The following DCC variants were observed in gnomAD, a reference collection of about 807,000 sequenced individuals.
The protein encoded by DCC is DCC netrin 1 receptor.
Under a neutral mutation model 172.5 loss-of-function variants are expected in DCC, and 58 were observed. The observed-to-expected ratio is 0.34, with a 90% CI of 0.27 to 0.42. DCC has a LOEUF of 0.42. Ranked by LOEUF, DCC falls within the 10% of genes least tolerant of loss-of-function variation. The pLI is 1.00. For synonymous variants in DCC, 709 were observed against 644.5 expected, an observed-to-expected ratio of 1.10 and a Z score of -1.52; for missense variants, 1,740 against 1,791.0, an observed-to-expected ratio of 0.97 and a Z score of 0.51.
intron 1 of DCC, among the ~76,000 whole-genome samples, chr18:52,527,893 A>G (rs1037407748): frequency 2.6e-5 from 4 of 152,210 alleles, no homozygotes; most frequent in African/African-American, 9.6e-5. Flanking sequence ...TCAGATCCCC[A>G]AAGACTTGGC....
chr18:52,837,482 G>T (rs1307038103), intron 2 of DCC, among the ~76,000 whole-genome samples: 2 of 152,082 alleles, frequency 1.3e-5, no homozygotes, highest in Non-Finnish European at 2.9e-5. Flanking sequence ...TCTAGGGCAG[G>T]GACAAAATGC....
In DCC at chr18:53,391,651, C is replaced by G. The variant is rs767170735; in HGVS notation, c.2456-4C>G. ...TGTTTCATTTGGTGGGTTTTTAAAC[C>G]CAGATCCCACTGACCCAGTTGATTA... is the stretch of plus-strand genomic sequence containing the variant. On this transcript the variant is annotated splice_polypyrimidine_tract_variant and splice_region_variant and intron_variant, in intron 16 of 28. Coordinates refer to ENST00000442544, the MANE Select transcript of DCC (RefSeq NM_005215.4). The G allele has an allele frequency of 1.2e-6, 2 of 1,605,042 alleles. No individual in the cohort carries two copies. The highest frequency in any genetic ancestry group is 2.2e-5 in the South Asian group (2 of 90,888).
At chr18:52,616,459 T>TAG (rs949652355) in intron 1 of DCC, among the ~76,000 whole-genome samples, 2 of 152,164 alleles carry the variant, frequency 1.3e-5, no homozygotes, top group Admixed American at 6.5e-5. Flanking sequence ...GGAAATATGG[T>TAG]AGAGTATGTT....
chr18:52,768,259 A>G (rs1286777473), intron 2 of DCC, among the ~76,000 whole-genome samples: 1 of 152,190 alleles, frequency 6.6e-6, no homozygotes, highest in Non-Finnish European at 1.5e-5. Context: ...TGTGTTTCAT[A>G]TGTTTTAAAA....
chr18:53,163,775 T>G (rs1337140940), intron 8 of DCC, among the ~76,000 whole-genome samples: 1 of 152,146 alleles, frequency 6.6e-6, no homozygotes, highest in East Asian at 1.9e-4. Context: ...CTAAAAATCA[T>G]TAGGAATGAA....
At chr18:52,803,757 C>G (rs1414468894) in intron 2 of DCC, among the ~76,000 whole-genome samples, 1 of 152,142 alleles carries the variant, frequency 6.6e-6, no homozygotes, top group African/African-American at 2.4e-5. Context: ...TATAATTTGC[C>G]TTAGAGAAAC....
intron 12 of DCC, among the ~76,000 whole-genome samples, chr18:53,228,128 A>C (rs981628924): frequency 2.0e-5 from 3 of 152,220 alleles, no homozygotes; most frequent in South Asian, 2.1e-4. Flanking sequence ...CAATATTTCC[A>C]AGTTGGGTTT....
intron 1 of DCC, among the ~76,000 whole-genome samples, chr18:52,549,049 T>G (rs62083379): frequency 0.058 from 8,772 of 152,084 alleles, 326 homozygotes; most frequent in Middle Eastern, 0.11. Flanking sequence ...TTAGAGGAGA[T>G]TAAGATATTA....
At chr18:53,301,042 C>A (rs28595777) in intron 12 of DCC, among the ~76,000 whole-genome samples, 19,546 of 90,932 alleles carry the variant, frequency 0.21, 1,986 homozygotes, top group African/African-American at 0.33. Context: ...CTTTTTCTTC[C>A]TTTCCTTTCC....
intron 1 of DCC, among the ~76,000 whole-genome samples, chr18:52,355,182 G>C (rs1424489205): frequency 6.6e-6 from 1 of 151,324 alleles, no homozygotes; most frequent in Admixed American, 6.6e-5. Flanking sequence ...GAAATCAGTG[G>C]AAGTCAAGAC....
At chr18:53,408,386 T>C (rs1399608781) in intron 19 of DCC, among the ~76,000 whole-genome samples, 2 of 152,180 alleles carry the variant, frequency 1.3e-5, no homozygotes, top group African/African-American at 2.4e-5. Flanking sequence ...TTTAAGCTTA[T>C]GTAATTGTTG....
intron 2 of DCC, among the ~76,000 whole-genome samples, chr18:52,894,892 A>G (rs1178648855): frequency 6.6e-6 from 1 of 152,210 alleles, no homozygotes; most frequent in Non-Finnish European, 1.5e-5. Flanking sequence ...AATTTTATCT[A>G]GAAACACCCT....
At chr18:52,821,493 T>C (rs1050825429) in intron 2 of DCC, among the ~76,000 whole-genome samples, 59 of 152,338 alleles carry the variant, frequency 3.9e-4, no homozygotes, top group Non-Finnish European at 8.8e-5. Context: ...AAGAGTGTTT[T>C]ATTGTGTTGA....
chr18:53,436,251 G>A (rs181178880), intron 22 of DCC, among the ~76,000 whole-genome samples: 14 of 152,116 alleles, frequency 9.2e-5, no homozygotes, highest in Admixed American at 3.3e-4. Flanking sequence ...CTTTTTTAAC[G>A]TAGTTTTGAA....
intron 1 of DCC, among the ~76,000 whole-genome samples, chr18:52,500,792 TAAC>T (rs1028740192): frequency 2.6e-5 from 4 of 152,168 alleles, no homozygotes; most frequent in Non-Finnish European, 4.4e-5. Flanking sequence ...GGAGAGAGGA[TAAC>T]AACATTTCTG....
chr18:53,020,447 T>A (rs1196877681), intron 5 of DCC, among the ~76,000 whole-genome samples: 2 of 152,176 alleles, frequency 1.3e-5, no homozygotes, highest in Admixed American at 1.3e-4. Flanking sequence ...AATGTCACTG[T>A]TCAAGTCTCT....
Position 52,941,486 on chromosome 18 carries a change from TTGTGTG to T in DCC, c.985+16128_985+16133del, listed in dbSNP as rs74178695. On this transcript the variant is annotated intron_variant, in intron 5 of 28. Coordinates refer to ENST00000442544, the MANE Select transcript of DCC (RefSeq NM_005215.4). Reference sequence around the variant, plus strand: ...TTCTTTAACATACATATATACATGTTTGTGTGTGTGTGTGTGTATATATATATATAC... The same window carrying T: ...TTCTTTAACATACATATATACATGTTTGTGTGTGTGTATATATATATATAC... 8.5e-3 allele frequency among the ~76,000 whole-genome samples: 1,276 copies of T among 149,630 alleles called. 41 individuals carry two copies. The highest frequency in any genetic ancestry group is 0.059 in the Admixed American group (894 of 15,048).
At chr18:52,903,127 C>G (rs2039833518) in intron 2 of DCC, among the ~76,000 whole-genome samples, 1 of 152,188 alleles carries the variant, frequency 6.6e-6, no homozygotes, top group Non-Finnish European at 1.5e-5. Context: ...TTACATATTC[C>G]AGGCTCTAGA....
intron 1 of DCC, among the ~76,000 whole-genome samples, chr18:52,410,136 G>A (rs1409714244): frequency 2.0e-5 from 3 of 152,134 alleles, no homozygotes; most frequent in Non-Finnish European, 4.4e-5. Flanking sequence ...TTCAAAAACG[G>A]TATTAGGCTG....
Sources: allele counts gnomAD v4.1 joint callset (sites outside exome capture counted in the v4.1 genomes callset), GRCh38; gene constraint gnomAD v4.1.1; transcripts MANE v1.5; gene names NCBI Gene and HGNC (gene_info 2026-07-23, HGNC 2026-07-21).